The following FGD5 variants were observed in gnomAD, a reference collection of about 807,000 sequenced individuals.
FGD5 encodes the protein FYVE, RhoGEF and PH domain-containing protein 5.
FGD5 carries 28 observed loss-of-function variants against 133.4 expected under a neutral mutation model. The observed-to-expected ratio is 0.21, with a 90% confidence interval of 0.16 to 0.29. The LOEUF (loss-of-function observed/expected upper bound fraction) is 0.29. FGD5 is among the 10% of genes least tolerant of loss of function. The probability of loss-of-function intolerance (pLI) is 1.00; values close to 1 mark genes in which losing one functional copy is unlikely to be tolerated. For missense variants in FGD5, 1,858 were observed against 1,895.2 expected, an observed-to-expected ratio of 0.98 and a Z score of 0.36; for synonymous variants, 810 against 776.5, an observed-to-expected ratio of 1.04 and a Z score of -0.72.
chr3:14,821,898 G>A (rs1020813122), intron 1 of FGD5, among the ~76,000 whole-genome samples: 19 of 152,190 alleles, frequency 1.2e-4, no homozygotes, highest in African/African-American at 4.6e-4. Flanking sequence ...TCAAGAGATC[G>A]AGACCATCCT....
intron 18 of FGD5, among the ~76,000 whole-genome samples, chr3:14,928,079 C>G: frequency 6.6e-6 from 1 of 151,748 alleles, no homozygotes; most frequent in East Asian, 1.9e-4. Context: ...GTAGCTGGGA[C>G]TACAGGCGCC....
intron 4 of FGD5, among the ~76,000 whole-genome samples, chr3:14,885,524 G>A (rs144886923): frequency 3.5e-4 from 53 of 152,256 alleles, no homozygotes; most frequent in African/African-American, 1.2e-3. Flanking sequence ...CACGTCCCAC[G>A]GGCCTTCGGC....
chr3:14,878,535 G>A (rs1205070585), intron 2 of FGD5, among the ~76,000 whole-genome samples: 1 of 152,162 alleles, frequency 6.6e-6, no homozygotes, highest in Non-Finnish European at 1.5e-5. Context: ...CTGTGTGCCA[G>A]GCACAGTTCC....
intron 1 of FGD5, among the ~76,000 whole-genome samples, chr3:14,822,210 T>C (rs1575187822): frequency 6.6e-6 from 1 of 152,170 alleles, no homozygotes; most frequent in Non-Finnish European, 1.5e-5. Context: ...GCATTTTTGT[T>C]TACATTATTT....
chr3:14,863,444 A>G (rs957979672), intron 1 of FGD5, among the ~76,000 whole-genome samples: 7 of 152,220 alleles, frequency 4.6e-5, no homozygotes, highest in African/African-American at 1.4e-4. Context: ...CTCGATGCCT[A>G]GCCCATGCCT....
intron 1 of FGD5, among the ~76,000 whole-genome samples, chr3:14,856,861 G>C (rs1270334165): frequency 6.6e-6 from 1 of 152,060 alleles, no homozygotes; most frequent in South Asian, 2.1e-4. Context: ...TTTCTAATTT[G>C]GATGCCTTTT....
chr3:14,864,364 G>A (rs2037455815), intron 2 of FGD5, 104 bp downstream of exon 2: 2 of 1,558,258 alleles, frequency 1.3e-6, no homozygotes, highest in Non-Finnish European at 1.8e-6. Context: ...GCTGTTTGCA[G>A]ATAGCTGGCC....
rs899035936 is a variant in FGD5, at chr3:14,881,514, G to A, written c.2748+742G>A. 3.9e-5 allele frequency among the ~76,000 whole-genome samples: 6 copies of A among 152,320 alleles called. No individual in the cohort carries two copies. The South Asian group carries it at 6.2e-4, about 16-fold the overall frequency. On this transcript the variant is annotated intron_variant, in intron 4 of 19. Transcript: ENST00000285046. ...AACAACCTTGGGCAGGCTTCCCTGA[G>A]GAGGTGATATTAAGGGCTAGGCCAT...
At chr3:14,892,038 C>G (rs529475036) in intron 4 of FGD5, among the ~76,000 whole-genome samples, 1 of 151,882 alleles carries the variant, frequency 6.6e-6, no homozygotes, top group East Asian at 1.9e-4. Context: ...CCTCCCTGTC[C>G]TCTTTTCTAC....
At chr3:14,828,385 T>A (rs1206135739) in intron 1 of FGD5, among the ~76,000 whole-genome samples, 1 of 152,174 alleles carries the variant, frequency 6.6e-6, no homozygotes, top group Non-Finnish European at 1.5e-5. Context: ...AAGACTCCAA[T>A]GAAAATGTCT....
intron 10 of FGD5, 71 bp from the exon 11 acceptor site, chr3:14,910,790 C>T: frequency 1.4e-6 from 2 of 1,413,590 alleles, no homozygotes; most frequent in Non-Finnish European, 2.0e-6. Flanking sequence ...ACTCAGGGGC[C>T]TCCCCTGCAC....
At chr3:14,823,496 A>G (rs1481977258) in intron 1 of FGD5, among the ~76,000 whole-genome samples, 2 of 152,340 alleles carry the variant, frequency 1.3e-5, no homozygotes, top group South Asian at 2.1e-4. Flanking sequence ...TAGCCCTTCA[A>G]AAATTGAAAT....
rs1243298441 is a variant in FGD5 at position 14,820,719 on chromosome 3, T to C, written c.1648T>C (p.Ser550Pro). ...KPRAFTLYPR[S>P]FSVEGREIPV... Reference sequence around the variant, plus strand: ...CAGGGCCTTTACTTTATACCCTCGGTCGTTCTCCGTGGAAGGCCGAGAGAT... The same window carrying C: ...CAGGGCCTTTACTTTATACCCTCGGCCGTTCTCCGTGGAAGGCCGAGAGAT... The change falls in exon 1 of 20, where the codon TCG (serine) becomes CCG (proline). Residue 550 changes from serine (S) to proline (P), a missense_variant. By Grantham distance (74) the Ser-to-Pro change is moderately conservative. Coordinates refer to ENST00000285046, the MANE Select transcript of FGD5 (RefSeq NM_152536.4). The C allele has an allele frequency of 1.2e-6, 2 of 1,601,926 alleles. No individual in the cohort carries two copies. The highest frequency in any genetic ancestry group is 3.5e-5 in the Admixed American group (2 of 57,786).
intron 1 of FGD5, among the ~76,000 whole-genome samples, chr3:14,823,160 A>T (rs959504963): frequency 6.6e-6 from 1 of 152,194 alleles, no homozygotes; most frequent in Admixed American, 6.5e-5. Context: ...CATTAATAAC[A>T]ATCGGCAGGG....
At chr3:14,861,998 A>G (rs1394948321) in intron 1 of FGD5, among the ~76,000 whole-genome samples, 1 of 152,194 alleles carries the variant, frequency 6.6e-6, no homozygotes, top group African/African-American at 2.4e-5. Context: ...ATGTTCAGGC[A>G]GGAGGTGGCC....
chr3:14,853,270 T>A (rs2037202433), intron 1 of FGD5, among the ~76,000 whole-genome samples: 1 of 152,162 alleles, frequency 6.6e-6, no homozygotes, highest in Non-Finnish European at 1.5e-5. Flanking sequence ...GCTGGGGTGC[T>A]GAGGGGTGAA....
At position 14,821,005 on chromosome 3, in the gene FGD5, A is replaced by G. The variant is rs1462400988; in HGVS notation, c.1934A>G (p.Lys645Arg). ...CTGATCGAGAGCGACTCCCCGGACA[A>G]GTACAAGAAGAAGAAGTCATCCTTT... is the stretch of plus-strand genomic sequence containing the variant. The part of the protein sequence containing the change: ...SLLIESDSPD[K>R]YKKKKSSFKR... Residue 645 changes from lysine to arginine, a missense_variant, in exon 1 of 20, where the codon AAG becomes AGG. By Grantham distance (26) the Lys-to-Arg change is conservative. Transcript: ENST00000285046. 1 of 1,613,948 alleles carries G rather than the reference A, an allele frequency of 6.2e-7. No individual in the cohort carries two copies.
At chr3:14,853,502 T>TC (rs142380537) in intron 1 of FGD5, among the ~76,000 whole-genome samples, 26,480 of 151,330 alleles carry the variant, frequency 0.17, 2,504 homozygotes, top group Middle Eastern at 0.27. Context: ...TTCAGAAAGG[T>TC]CCCAGCCTGT....
Position 14,907,617 on chromosome 3 carries a change from C to T in FGD5, c.3265-23C>T, listed in dbSNP as rs193210510. The T allele has an allele frequency of 1.2e-4, 187 of 1,611,514 alleles. No individual in the cohort carries two copies. In the African/African-American group the frequency reaches 2.3e-3, roughly 20 times the overall value. On this transcript the variant is annotated intron_variant, in intron 9 of 19. Transcript: ENST00000285046. ...CTGGTAGGGGCCCTGACCATCTCTC[C>T]CTCACCCCATTCCCACCCACAGGAA...
Sources: gnomAD v4.1 joint callset for allele counts (sites outside exome capture counted in the v4.1 genomes callset) on GRCh38, gnomAD v4.1.1 for gene constraint, MANE v1.5 for transcripts, NCBI Gene and HGNC (gene_info 2026-07-23, HGNC 2026-07-21) for gene names.